The following CROCC2 variants were observed in gnomAD, a reference collection of about 807,000 sequenced individuals.
CROCC2 encodes the protein ciliary rootlet coiled-coil, rootletin family member 2, also known as ciliary rootlet coiled-coil protein 2.
In CROCC2, 163 loss-of-function variants were observed where a neutral mutation model predicts 177.6. The observed-to-expected ratio is 0.92, with a 90% CI of 0.81 to 1.05. CROCC2 has a LOEUF of 1.05. CROCC2 is among the 50% of genes least tolerant of loss of function. CROCC2 has a pLI of 0.00. For synonymous variants in CROCC2, 904 were observed against 787.3 expected (o/e 1.15, Z -2.48); for missense variants, 1,929 against 1,797.8 (o/e 1.07, Z -1.32).
intron 5 of CROCC2, among the ~76,000 whole-genome samples, chr2:240,927,311 G>A (rs2059401407): frequency 1.3e-5 from 2 of 152,142 alleles, no homozygotes; most frequent in African/African-American, 2.4e-5. Context: ...AGGGTTCGCG[G>A]AACCTCTGTG....
rs1237266140 is a variant in CROCC2, at chr2:240,966,207, C to T, written c.3962-18C>T. On this transcript the variant is annotated intron_variant, in intron 24 of 31. Transcript: ENST00000690015. ...ACTGTGTTCCTGTCCACGACCCCTCCGCTGTCACCTCCCGCAGGCTCCGAC... is the reference window on the plus strand; with the variant it reads ...ACTGTGTTCCTGTCCACGACCCCTCTGCTGTCACCTCCCGCAGGCTCCGAC... 5 of 1,035,680 alleles carry T rather than the reference C, an allele frequency of 4.8e-6. No individual in the cohort carries two copies. Among genetic ancestry groups the T allele is most frequent in the East Asian group, 6.5e-5 (2 of 30,682 alleles). The allele number at this position is 1,035,680 out of a possible 1,614,324, so 64.2% of individuals were successfully genotyped here.
At chr2:240,951,947 C>T (rs757089008) in intron 18 of CROCC2, among the ~76,000 whole-genome samples, 1 of 152,184 alleles carries the variant, frequency 6.6e-6, no homozygotes, top group Non-Finnish European at 1.5e-5. Flanking sequence ...TAGGCTGTTC[C>T]AGTATATCAT....
rs2059252990 is a variant in CROCC2, at chr2:240,906,378, C to T, written c.-136C>T. 1 of 397,538 alleles carries T rather than the reference C, an allele frequency of 2.5e-6. No homozygotes were observed. The highest frequency in any genetic ancestry group is 1.4e-4 in the South Asian group (1 of 7,282). The allele number at this position is 397,538 out of a possible 1,614,324, so 24.6% of individuals were successfully genotyped here. On this transcript the variant is annotated 5_prime_UTR_variant, in exon 1 of 32. Transcript: ENST00000690015. ...GGGCAAGAGCAACTGGGTGCCCAGG[C>T]TCGGGACACAAGACTGCAGAGCCAG...
chr2:240,930,957 C>A lies in CROCC2; in HGVS notation c.776C>A (p.Thr259Lys). Residue 259 changes from threonine (T) to lysine (K), a missense_variant, in exon 7 of 32, where the codon ACG becomes AAG. Physicochemically the swap from Thr to Lys is moderately conservative, Grantham distance 78. Around this residue, in one of 3 missense-constraint regions of CROCC2, gnomAD observed 1,397 missense variants for 1,239.9 expected, o/e 1.13. Coordinates refer to ENST00000690015, the MANE Select transcript of CROCC2 (RefSeq NM_001351305.2). Reference sequence around the variant, plus strand: ...GGCCTCGCTGACCTGCAGGCAGACACGGCCAGGACAGCCCGCCGCCTGCAC... The same window carrying A: ...GGCCTCGCTGACCTGCAGGCAGACAAGGCCAGGACAGCCCGCCGCCTGCAC... ...ERGLADLQAD[T>K]ARTARRLHTA... 2 of 714,352 alleles carry A rather than the reference C, an allele frequency of 2.8e-6. No homozygotes were observed. The highest frequency in any genetic ancestry group is 5.2e-6 in the Non-Finnish European group (2 of 384,210). The allele number at this position is 714,352 out of a possible 1,614,324, so 44.3% of individuals were successfully genotyped here.
chr2:240,968,305 CA>C lies in CROCC2; in HGVS notation c.4401+45del, dbSNP rs2059698557. The C allele has an allele frequency of 4.7e-6, 7 of 1,498,786 alleles. No homozygotes were observed. The East Asian group carries it at 1.7e-4, about 37-fold the overall frequency. 92.8% of individuals were successfully genotyped at this position (1,498,786 alleles called of 1,614,324 possible). On this transcript the variant is annotated intron_variant, in intron 27 of 31. Transcript: ENST00000690015. Reference sequence around the variant, plus strand: ...GTGGGTCCCAGGTGGGGCACAAGAACAAGGCCTCTCGGTCACCCTCACACCC... The same window carrying C: ...GTGGGTCCCAGGTGGGGCACAAGAACAGGCCTCTCGGTCACCCTCACACCC...
chr2:240,930,885 G>T, intron 6 of CROCC2, 46 bp from the exon 7 acceptor site: 2 of 662,418 alleles, frequency 3.0e-6, no homozygotes, highest in Admixed American at 4.3e-5. Context: ...CCCTCCCTCT[G>T]CAGATGGGTC....
intron 17 of CROCC2, among the ~76,000 whole-genome samples, chr2:240,950,015 C>T (rs567473688): frequency 4.6e-5 from 7 of 152,316 alleles, no homozygotes; most frequent in Admixed American, 3.3e-4. Context: ...CCATTAGAGC[C>T]GTCCCACAGG....
chr2:240,991,416 C>G, intron 31 of CROCC2, 138 bp downstream of exon 31: 2 of 719,158 alleles, frequency 2.8e-6, no homozygotes, highest in Non-Finnish European at 4.4e-6. Context: ...GCCTTGTGCT[C>G]TGCACAAGAG....
At position 240,949,808 on chromosome 2, in the gene CROCC2, A is replaced by G. The variant is rs2059542988; in HGVS notation, c.2652+106A>G. On this transcript the variant is annotated intron_variant, in intron 17 of 31. Coordinates refer to ENST00000690015, the MANE Select transcript of CROCC2 (RefSeq NM_001351305.2). The surrounding 1 kb of genome is among the most constrained non-coding windows in gnomAD (Gnocchi z 4.5). ...GCCCTGGGAGACAGAGCTCAGAGAC[A>G]TAGGCGCCTGGCCAGGGCTGGGCAA... The G allele has an allele frequency of 8.2e-7, 1 of 1,222,874 alleles. No individual in the cohort carries two copies. The highest frequency in any genetic ancestry group is 1.1e-6 in the Non-Finnish European group (1 of 889,492). 75.8% of individuals were successfully genotyped at this position (1,222,874 alleles called of 1,614,324 possible).
chr2:240,957,833 G>C (rs551859856), intron 19 of CROCC2: 1 of 302,516 alleles, frequency 3.3e-6, no homozygotes. Flanking sequence ...GCTTGGCATC[G>C]GGCCTGTGAC....
intron 18 of CROCC2, 59 bp from the exon 19 acceptor site, chr2:240,955,800 G>C: frequency 8.3e-7 from 1 of 1,208,468 alleles, no homozygotes. Context: ...TTAGAGGGGG[G>C]CCTCTTCCCT....
Position 240,968,257 on chromosome 2 carries a change from C to T in CROCC2, c.4396C>T (p.Leu1466=), listed in dbSNP as rs1438538242. ...TGCGGCAGGCCAGGAGAAGCGGCGGCTGCAGGTGGGGCAGGCGGCAGGGTG... is the reference window on the plus strand; with the variant it reads ...TGCGGCAGGCCAGGAGAAGCGGCGGTTGCAGGTGGGGCAGGCGGCAGGGTG... ...VRAAGQEKRR[L]QEQLETLRQA... The change falls in exon 27 of 32, where the codon CTG becomes TTG. Residue 1466 remains leucine, a synonymous_variant. Transcript: ENST00000690015. The T allele has an allele frequency of 6.5e-7, 1 of 1,529,302 alleles. No individual in the cohort carries two copies. The highest frequency in any genetic ancestry group is 2.5e-5 in the East Asian group (1 of 40,776). 94.7% of individuals were successfully genotyped at this position (1,529,302 alleles called of 1,614,324 possible). A position where few individuals can be genotyped will look rare whatever the true frequency, so the allele number is the denominator to read the frequency against.
At chr2:240,975,187 AATG>A (rs1221429749) in intron 27 of CROCC2, among the ~76,000 whole-genome samples, 2 of 152,240 alleles carry the variant, frequency 1.3e-5, no homozygotes, top group Non-Finnish European at 2.9e-5. Flanking sequence ...AACAGGCTAT[AATG>A]CTAGTATGGT....
intron 1 of CROCC2, among the ~76,000 whole-genome samples, chr2:240,913,938 C>A (rs952983925): frequency 5.9e-5 from 9 of 152,268 alleles, no homozygotes; most frequent in Non-Finnish European, 2.9e-5. Context: ...CAGATGTGTT[C>A]TTCAAGCTGT....
intron 20 of CROCC2, chr2:240,963,179 G>A (rs184830424): frequency 4.4e-4 from 101 of 227,330 alleles, no homozygotes; most frequent in Non-Finnish European, 7.5e-4. Flanking sequence ...AGGACTAGAC[G>A]CCGGGGGCAG....
At position 240,953,433 on chromosome 2, in the gene CROCC2, AG is replaced by A. The variant is rs2059569685; in HGVS notation, c.2830-2424del. Among the ~76,000 whole-genome samples, 1 of 145,548 alleles carries A rather than the reference AG, an allele frequency of 6.9e-6. No homozygotes were observed. Among genetic ancestry groups the A allele is most frequent in the Non-Finnish European group, 1.5e-5 (1 of 66,308 alleles). Reference sequence around the variant, plus strand: ...GAGACTCTGTCTCAAAAAAAAAAACAGGAGCACAGGCTAAGAGGGCAGACAG... The same window carrying A: ...GAGACTCTGTCTCAAAAAAAAAAACAGAGCACAGGCTAAGAGGGCAGACAG... On this transcript the variant is annotated intron_variant, in intron 18 of 31. Coordinates refer to ENST00000690015, the MANE Select transcript of CROCC2 (RefSeq NM_001351305.2). The surrounding 1 kb of genome is among the most constrained non-coding windows in gnomAD (Gnocchi z 4.0).
rs186368626 is a variant in CROCC2 at position 240,931,102 on chromosome 2, C to A, written c.921C>A (p.Asp307Glu). 1.3e-4 allele frequency: 93 copies of A among 714,762 alleles called. No individual in the cohort carries two copies. The East Asian group carries it at 2.3e-3, about 18-fold the overall frequency. 44.3% of individuals were successfully genotyped at this position (714,762 alleles called of 1,614,324 possible). A position where few individuals can be genotyped will look rare whatever the true frequency, so the allele number is the denominator to read the frequency against. The change falls in exon 7 of 32, where the codon GAC (aspartate) becomes GAA (glutamate). Residue 307 changes from aspartate to glutamate, a missense_variant. By Grantham distance (45) the Asp-to-Glu change is conservative. Transcript: ENST00000690015. The part of the protein sequence containing the change: ...GEMLQLQGRW[D>E]AEKVALQARL... ...TGCTGCAGCTGCAGGGCCGCTGGGACGCAGAGAAGGTGGCGCTCCAGGCCA... is the reference window on the plus strand; with the variant it reads ...TGCTGCAGCTGCAGGGCCGCTGGGAAGCAGAGAAGGTGGCGCTCCAGGCCA...
intron 15 of CROCC2, among the ~76,000 whole-genome samples, chr2:240,947,540 G>A (rs570660147): frequency 1.2e-4 from 18 of 152,228 alleles, no homozygotes; most frequent in East Asian, 3.9e-4. Context: ...CTGAAGCCAC[G>A]TCTGCCCGGA....
rs544524758 is a variant in CROCC2 at position 240,948,909 on chromosome 2, A to G, written c.2364-70A>G. 7 of 1,425,508 alleles carry G rather than the reference A, an allele frequency of 4.9e-6. No homozygotes were observed. In the South Asian group the frequency reaches 8.7e-5, roughly 18 times the overall value. 88.3% of individuals were successfully genotyped at this position (1,425,508 alleles called of 1,614,324 possible). A position where few individuals can be genotyped will look rare whatever the true frequency, so the allele number is the denominator to read the frequency against. On this transcript the variant is annotated intron_variant, in intron 15 of 31. Coordinates refer to ENST00000690015, the MANE Select transcript of CROCC2 (RefSeq NM_001351305.2). ...GCTGAGTCTCATTAACACCTGTGTA[A>G]AGCTATAGAGAGCATTTTACACGCA...
Sources: allele counts gnomAD v4.1 joint callset (sites outside exome capture counted in the v4.1 genomes callset), GRCh38; gene constraint gnomAD v4.1.1; regional missense constraint gnomAD v4.1.1; non-coding constraint Gnocchi (gnomAD v3.1); transcripts MANE v1.5; gene names NCBI Gene and HGNC (gene_info 2026-07-23, HGNC 2026-07-21).